Variants in IP6K1 observed in about 807,000 individuals in gnomAD.
IP6K1 encodes the protein inositol hexakisphosphate kinase 1.
Under a neutral mutation model 38.3 loss-of-function variants are expected in IP6K1, and 13 were observed. The observed-to-expected ratio is 0.34, with a 90% CI of 0.22 to 0.54. IP6K1 has a LOEUF of 0.54. IP6K1 is among the 20% of genes least tolerant of loss of function. The probability of loss-of-function intolerance (pLI) is 0.92; values close to 1 mark genes in which losing one functional copy is unlikely to be tolerated. For missense variants in IP6K1, 397 were observed against 599.8 expected, an observed-to-expected ratio of 0.66 and a Z score of 3.53; for synonymous variants, 212 against 229.9, an observed-to-expected ratio of 0.92 and a Z score of 0.70.
rs775709404 is a variant in IP6K1, at chr3:49,747,807, C to T, written c.223+11G>A. 1.2e-6 allele frequency: 2 copies of T among 1,614,074 alleles called. No individual in the cohort carries two copies. The highest frequency in any genetic ancestry group is 2.7e-5 in the African/African-American group (2 of 75,038). ...AGGCTGCTGCTTTCATTAAACTGGC[C>T]AGTGACTGACCTTTGTATTCAGGGG... On this transcript the variant is annotated intron_variant, in intron 2 of 5. Coordinates refer to ENST00000321599, the MANE Select transcript of IP6K1 (RefSeq NM_153273.4).
intron 2 of IP6K1, among the ~76,000 whole-genome samples, chr3:49,739,873 G>C (rs996486510): frequency 5.3e-5 from 8 of 151,982 alleles, no homozygotes; most frequent in Non-Finnish European, 1.2e-4. Context: ...CAGTTATCCA[G>C]ACATGGTGGT....
chr3:49,728,232 G>A lies in IP6K1; in HGVS notation c.663C>T (p.Cys221=), dbSNP rs34964130. 2.2e-5 allele frequency: 35 copies of A among 1,614,050 alleles called. No homozygotes were observed. In the East Asian group the frequency reaches 3.1e-4, roughly 14 times the overall value. ...GCGTGCCCATCTTCAGGTCCAACAC[G>A]CAGGGGTACTTGAAGTGGTGCACCA... The part of the protein sequence containing the change: ...ENVVHHFKYP[C]VLDLKMGTRQ... The change falls in exon 5 of 6, where the codon TGC becomes TGT. Residue 221 remains cysteine (C), a synonymous_variant. Transcript: ENST00000321599.
intron 1 of IP6K1, chr3:49,785,595 C>T (rs2081106357): frequency 6.6e-6 from 1 of 152,238 alleles, no homozygotes; most frequent in African/African-American, 2.4e-5. Context: ...TTCTAAGACA[C>T]TCCTACGTTT....
intron 2 of IP6K1, 25 bp downstream of exon 2, chr3:49,747,793 T>A (rs1199916940): frequency 6.2e-7 from 1 of 1,613,764 alleles, no homozygotes; most frequent in Non-Finnish European, 8.5e-7. Context: ...GGCTGCTGCT[T>A]TCATTAAACT....
chr3:49,731,258 TATC>T, intron 4 of IP6K1, among the ~76,000 whole-genome samples: 2 of 152,266 alleles, frequency 1.3e-5, no homozygotes, highest in Middle Eastern at 3.4e-3. Context: ...GGTACAGACT[TATC>T]ATATGTCTGC....
chr3:49,777,808 G>A (rs922178571), intron 1 of IP6K1, among the ~76,000 whole-genome samples: 1 of 151,798 alleles, frequency 6.6e-6, no homozygotes, highest in Non-Finnish European at 1.5e-5. Flanking sequence ...CCAGCTACTC[G>A]GGAGGCGAAG....
intron 1 of IP6K1, among the ~76,000 whole-genome samples, chr3:49,758,878 T>C (rs1365869834): frequency 6.6e-6 from 1 of 152,000 alleles, no homozygotes; most frequent in Non-Finnish European, 1.5e-5. Context: ...GGAGAATCGC[T>C]TGAACCCAGG....
At chr3:49,753,756 A>C (rs1414726009) in intron 1 of IP6K1, among the ~76,000 whole-genome samples, 1 of 152,234 alleles carries the variant, frequency 6.6e-6, no homozygotes, top group East Asian at 1.9e-4. Flanking sequence ...ACCTAGACCT[A>C]GCAAAAACCA....
At chr3:49,750,465 C>A (rs1351485393) in intron 1 of IP6K1, among the ~76,000 whole-genome samples, 1 of 151,984 alleles carries the variant, frequency 6.6e-6, no homozygotes, top group African/African-American at 2.4e-5. Context: ...GAGGCCGAGG[C>A]GGACGGATCA....
intron 1 of IP6K1, among the ~76,000 whole-genome samples, chr3:49,759,846 C>T (rs573296236): frequency 6.6e-6 from 1 of 152,346 alleles, no homozygotes; most frequent in East Asian, 1.9e-4. Context: ...AGTTTGACTG[C>T]TTCAAGCAGA....
intron 2 of IP6K1, among the ~76,000 whole-genome samples, chr3:49,745,255 G>A (rs920224419): frequency 2.6e-5 from 4 of 152,234 alleles, no homozygotes; most frequent in Non-Finnish European, 1.5e-5. Context: ...GATGATCAGG[G>A]AAGAAGTGTC....
chr3:49,765,698 T>C (rs1182542632), intron 1 of IP6K1, among the ~76,000 whole-genome samples: 3 of 150,850 alleles, frequency 2.0e-5, no homozygotes, highest in African/African-American at 7.3e-5. Flanking sequence ...GTTTATCATT[T>C]ATCTCTTTTT....
intron 1 of IP6K1, among the ~76,000 whole-genome samples, chr3:49,777,301 C>T (rs1049572902): frequency 6.6e-6 from 1 of 152,140 alleles, no homozygotes; most frequent in Non-Finnish European, 1.5e-5. Flanking sequence ...GTGGTTCATG[C>T]CTGTAATCCC....
At chr3:49,771,034 G>A (rs557133603) in intron 1 of IP6K1, among the ~76,000 whole-genome samples, 45 of 151,666 alleles carry the variant, frequency 3.0e-4, no homozygotes, top group African/African-American at 9.7e-4. Flanking sequence ...CAGGAGGGTC[G>A]TTTAAGCCCA....
chr3:49,746,009 A>G (rs891749549), intron 2 of IP6K1, among the ~76,000 whole-genome samples: 1 of 152,226 alleles, frequency 6.6e-6, no homozygotes, highest in Admixed American at 6.5e-5. Context: ...AAAGCCACAG[A>G]TACCACACAC....
chr3:49,743,241 TACACACACACACACACACAC>T (rs202144754), intron 2 of IP6K1, among the ~76,000 whole-genome samples: 3 of 137,194 alleles, frequency 2.2e-5, no homozygotes, highest in African/African-American at 2.8e-5. Context: ...AAAAACAAAA[TACACACACACACACACACAC>T]ACACACACAC....
chr3:49,760,390 G>C (rs527424284), intron 1 of IP6K1, among the ~76,000 whole-genome samples: 1 of 152,084 alleles, frequency 6.6e-6, no homozygotes, highest in East Asian at 1.9e-4. Context: ...TTGGGAGGCC[G>C]AGGTGGGCAG....
intron 1 of IP6K1, among the ~76,000 whole-genome samples, chr3:49,765,802 G>T (rs2080906647): frequency 6.6e-6 from 1 of 151,890 alleles, no homozygotes; most frequent in South Asian, 2.1e-4. Context: ...CAGCACTTTG[G>T]AAGGCTAGGG....
chr3:49,727,317 G>C lies in IP6K1; in HGVS notation c.1131C>G (p.Ser377Arg). The C allele has an allele frequency of 6.2e-7, 1 of 1,614,152 alleles. No individual in the cohort carries two copies. The highest frequency in any genetic ancestry group is 8.5e-7 in the Non-Finnish European group (1 of 1,180,006). Residue 377 changes from serine to arginine, a missense_variant, in exon 6 of 6, where the codon AGC becomes AGG. By Grantham distance (110) the Ser-to-Arg change is moderately radical. Around this residue, in one of 3 missense-constraint regions of IP6K1, gnomAD observed 164 missense variants for 213.5 expected, o/e 0.77. Transcript: ENST00000321599. The surrounding 1 kb of genome is among the most constrained non-coding windows in gnomAD (Gnocchi z 5.9). ...CCGCCTCGGGGCTGGTGTTGCTGGG[G>C]CTGGTGCTGGGGCCACAGGATGACG... ...EVASSCGPST[S>R]PSNTSPEAGP...
Sources: allele counts gnomAD v4.1 joint callset (sites outside exome capture counted in the v4.1 genomes callset), GRCh38; gene constraint gnomAD v4.1.1; regional missense constraint gnomAD v4.1.1; non-coding constraint Gnocchi (gnomAD v3.1); transcripts MANE v1.5; gene names NCBI Gene and HGNC (gene_info 2026-07-23, HGNC 2026-07-21).